The following NUP205 variants were observed in gnomAD, a reference collection of about 807,000 sequenced individuals.
The protein encoded by NUP205 is nuclear pore complex protein Nup205.
NUP205 carries 76 observed loss-of-function variants against 253.8 expected under a neutral mutation model. The observed-to-expected ratio is 0.30, with a 90% confidence interval of 0.25 to 0.36. The LOEUF is 0.36. NUP205 is among the 10% of genes least tolerant of loss of function. NUP205 has a pLI of 1.00. For missense variants in NUP205, 2,162 were observed against 2,425.5 expected, an observed-to-expected ratio of 0.89 and a Z score of 2.28; for synonymous variants, 832 against 850.1, an observed-to-expected ratio of 0.98 and a Z score of 0.37.
At chr7:135,611,977 G>A (rs776513442) in intron 22 of NUP205, among the ~76,000 whole-genome samples, 10 of 152,034 alleles carry the variant, frequency 6.6e-5, no homozygotes, top group Non-Finnish European at 1.0e-4. Context: ...AATATTAGCC[G>A]GGTATGGTGG....
At position 135,630,531 on chromosome 7, in the gene NUP205, G is replaced by T; in HGVS notation, c.5059+61G>T. The T allele has an allele frequency of 5.4e-6, 8 of 1,482,048 alleles. No individual in the cohort carries two copies. The South Asian group carries it at 7.6e-5, about 14-fold the overall frequency. 91.8% of individuals were successfully genotyped at this position (1,482,048 alleles called of 1,614,324 possible). A position where few individuals can be genotyped will look rare whatever the true frequency, so the allele number is the denominator to read the frequency against. On this transcript the variant is annotated intron_variant, in intron 35 of 42. Coordinates refer to ENST00000285968, the MANE Select transcript of NUP205 (RefSeq NM_015135.3). ...CTTTAAAGACTGACATAAATTAATA[G>T]AATGAGTTTTTTTGTTACTTTGCAG...
At chr7:135,615,158 C>T (rs1441005670) in intron 23 of NUP205, among the ~76,000 whole-genome samples, 1 of 152,098 alleles carries the variant, frequency 6.6e-6, no homozygotes, top group East Asian at 1.9e-4. Flanking sequence ...CTTCATTTAG[C>T]TTTGCCTGAA....
chr7:135,577,177 G>A, intron 5 of NUP205, 49 bp downstream of exon 5: 1 of 1,527,048 alleles, frequency 6.5e-7, no homozygotes, highest in East Asian at 2.3e-5. Flanking sequence ...AAATCTCAGA[G>A]GCAGAAACAT....
In NUP205 at chr7:135,626,300, G is replaced by T. The variant is rs751358239; in HGVS notation, c.4732G>T (p.Val1578Leu). 1.2e-6 allele frequency: 2 copies of T among 1,614,166 alleles called. No individual in the cohort carries two copies. Among genetic ancestry groups the T allele is most frequent in the Non-Finnish European group, 1.7e-6 (2 of 1,180,014 alleles). Residue 1578 changes from valine (V) to leucine (L), a missense_variant, in exon 33 of 43, where the codon GTG becomes TTG. Transcript: ENST00000285968. Reference sequence around the variant, plus strand: ...TGCATTAGAGCTGCTAAGATCAGGGGTGATTGTGAGACTAGCTCAATGCCA... The same window carrying T: ...TGCATTAGAGCTGCTAAGATCAGGGTTGATTGTGAGACTAGCTCAATGCCA... ...QGALELLRSGVIVRLAQCQVY... is the reference protein window; with the variant it reads ...QGALELLRSGLIVRLAQCQVY...
intron 18 of NUP205, among the ~76,000 whole-genome samples, chr7:135,603,356 G>C (rs1205342862): frequency 6.6e-6 from 1 of 151,552 alleles, no homozygotes; most frequent in Non-Finnish European, 1.5e-5. Context: ...CTCATGATCT[G>C]CCCGCCTCAG....
At chr7:135,569,759 T>C (rs963470235) in intron 1 of NUP205, among the ~76,000 whole-genome samples, 1 of 152,026 alleles carries the variant, frequency 6.6e-6, no homozygotes, top group Admixed American at 6.6e-5. Flanking sequence ...GTGATCCTTT[T>C]TATATGAGTT....
At chr7:135,564,372 A>G (rs779404446) in intron 1 of NUP205, among the ~76,000 whole-genome samples, 1 of 148,530 alleles carries the variant, frequency 6.7e-6, no homozygotes, top group African/African-American at 2.5e-5. Context: ...CCGGCCTCCC[A>G]AGTAACTGGG....
At chr7:135,564,390 G>A (rs578046187) in intron 1 of NUP205, among the ~76,000 whole-genome samples, 1 of 151,930 alleles carries the variant, frequency 6.6e-6, no homozygotes, top group Admixed American at 6.6e-5. Context: ...GGGATTACAG[G>A]TGTTAGCCAC....
intron 22 of NUP205, among the ~76,000 whole-genome samples, chr7:135,608,418 G>A (rs565730681): frequency 6.6e-6 from 1 of 152,284 alleles, no homozygotes; most frequent in Admixed American, 6.5e-5. Flanking sequence ...ACTATAATGA[G>A]GGCTGGGCCT....
At chr7:135,571,701 A>G (rs932515482) in intron 2 of NUP205, among the ~76,000 whole-genome samples, 28 of 152,152 alleles carry the variant, frequency 1.8e-4, no homozygotes, top group Middle Eastern at 3.2e-3. Context: ...GCATTTATCC[A>G]TTGTTTTCCA....
intron 27 of NUP205, among the ~76,000 whole-genome samples, chr7:135,617,922 C>T (rs1050499472): frequency 2.6e-5 from 4 of 151,126 alleles, no homozygotes; most frequent in Admixed American, 6.6e-5. Flanking sequence ...GACCATATTT[C>T]GTATTAGACT....
intron 28 of NUP205, among the ~76,000 whole-genome samples, 193 bp downstream of exon 28, chr7:135,618,796 G>A (rs57302746): frequency 0.034 from 5,197 of 152,250 alleles, 119 homozygotes; most frequent in Middle Eastern, 0.1. Flanking sequence ...GTGTGTCTGA[G>A]TTATCTCGGG....
intron 33 of NUP205, 114 bp downstream of exon 33, chr7:135,626,475 G>GT: frequency 2.6e-6 from 3 of 1,176,272 alleles, no homozygotes; most frequent in South Asian, 1.6e-5. Context: ...CTTGGTGTGG[G>GT]TTTTTTTGGT....
chr7:135,613,011 A>G (rs1355959788), intron 22 of NUP205, among the ~76,000 whole-genome samples: 1 of 152,078 alleles, frequency 6.6e-6, no homozygotes, highest in Non-Finnish European at 1.5e-5. Context: ...ACTTTAGCCC[A>G]GGAGGTTGAG....
rs1383602939 is a variant in NUP205 at position 135,630,362 on chromosome 7, T to G, written c.4951T>G (p.Ser1651Ala). The change falls in exon 35 of 43, where the codon TCA becomes GCA. Residue 1651 changes from serine to alanine, a missense_variant. By Grantham distance (99) the Ser-to-Ala change is moderately conservative. This residue lies in a region of NUP205 where 1,144 missense variants were observed against 1,280.9 expected (regional missense o/e 0.89). Coordinates refer to ENST00000285968, the MANE Select transcript of NUP205 (RefSeq NM_015135.3). ...GGCTTAGGTATTGCAGTTTCTTATT[T>G]CACATTCTGATACCATACAAGCAAT... Reference protein sequence around the residue: ...AAGQVLQFLISHSDTIQAILR... With the variant: ...AAGQVLQFLIAHSDTIQAILR... 1 of 1,593,466 alleles carries G rather than the reference T, an allele frequency of 6.3e-7. No individual in the cohort carries two copies. Among genetic ancestry groups the G allele is most frequent in the East Asian group, 2.2e-5 (1 of 44,460 alleles).
chr7:135,646,930 T>G (rs1795023153), intron 42 of NUP205, among the ~76,000 whole-genome samples: 1 of 152,204 alleles, frequency 6.6e-6, no homozygotes, highest in Admixed American at 6.5e-5. Flanking sequence ...GTCTTTTGAT[T>G]AGCTTTGTAG....
intron 33 of NUP205, among the ~76,000 whole-genome samples, chr7:135,626,957 G>C (rs1482561696): frequency 6.6e-6 from 1 of 152,138 alleles, no homozygotes; most frequent in Admixed American, 6.5e-5. Flanking sequence ...GGATCTATTA[G>C]CAACTTGAAT....
Position 135,567,126 on chromosome 7 carries a change from GTGTATATATATATATATATATATA to G in NUP205, c.29-3977_29-3954del, listed in dbSNP as rs1368592989. 6.7e-3 allele frequency among the ~76,000 whole-genome samples: 36 copies of G among 5,380 alleles called. 3 individuals carry two copies. Among genetic ancestry groups the G allele is most frequent in the Admixed American group, 0.012 (3 of 252 alleles). 3.5% of individuals were successfully genotyped at this position (5,380 alleles called of 152,430 possible). A position where few individuals can be genotyped will look rare whatever the true frequency, so the allele number is the denominator to read the frequency against. On this transcript the variant is annotated intron_variant, in intron 1 of 42. Transcript: ENST00000285968. The stretch of plus-strand genomic sequence containing the variant: ...TCTGTCTGTCTTGCTCAGTCTATGT[GTGTATATATATATATATATATATA>G]TATATATATATATATATATATATAT...
At chr7:135,570,682 AAT>A (rs1563109893) in intron 1 of NUP205, among the ~76,000 whole-genome samples, 2,625 of 87,032 alleles carry the variant, frequency 0.03, 85 homozygotes, top group South Asian at 0.09. Context: ...AATATATATT[AAT>A]TATATTAATA....
Sources: allele counts gnomAD v4.1 joint callset (sites outside exome capture counted in the v4.1 genomes callset), GRCh38; gene constraint gnomAD v4.1.1; regional missense constraint gnomAD v4.1.1; transcripts MANE v1.5; gene names NCBI Gene and HGNC (gene_info 2026-07-23, HGNC 2026-07-21).